Variants in TENM3 observed in about 807,000 individuals in gnomAD.
TENM3 encodes the protein teneurin transmembrane protein 3.
A neutral mutation model predicts 255.1 loss-of-function variants in TENM3; 63 were observed. That is an observed-to-expected ratio of 0.25 (90% CI 0.20 to 0.30). The LOEUF (loss-of-function observed/expected upper bound fraction) is 0.30. TENM3 is among the 10% of genes least tolerant of loss of function. TENM3 has a pLI of 1.00. For missense variants in TENM3, 2,929 were observed against 3,461.1 expected (o/e 0.85, Z 3.86); for synonymous variants, 1,306 against 1,322.3 (o/e 0.99, Z 0.27).
At chr4:182,472,299 A>C (rs1438983453) in intron 3 of TENM3, among the ~76,000 whole-genome samples, 1 of 152,038 alleles carries the variant, frequency 6.6e-6, no homozygotes, top group Non-Finnish European at 1.5e-5. Context: ...ATCTTTATTA[A>C]TCCCCTTCTT....
At chr4:182,668,483 G>A (rs550971630) in intron 6 of TENM3, among the ~76,000 whole-genome samples, 1 of 152,186 alleles carries the variant, frequency 6.6e-6, no homozygotes, top group South Asian at 2.1e-4. Context: ...ATTCTGTGGT[G>A]TTATGATTAA....
chr4:182,082,572 A>G, the TENM3 span, among the ~76,000 whole-genome samples: 2 of 152,238 alleles, frequency 1.3e-5, no homozygotes, highest in Non-Finnish European at 2.9e-5. Flanking sequence ...GAGCTGAGAA[A>G]GCATGGGAGA....
chr4:181,579,301 T>C, the TENM3 span, among the ~76,000 whole-genome samples: 1 of 151,414 alleles, frequency 6.6e-6, no homozygotes, highest in Non-Finnish European at 1.5e-5. Flanking sequence ...TCCTAACCAC[T>C]CCCCCCACAT....
chr4:182,696,319 C>G (rs548482132), intron 12 of TENM3, among the ~76,000 whole-genome samples: 26 of 152,244 alleles, frequency 1.7e-4, no homozygotes, highest in South Asian at 6.2e-4. Context: ...TCTCTATACT[C>G]TCTATAGAAA....
the TENM3 span, among the ~76,000 whole-genome samples, chr4:181,682,281 G>A: frequency 6.6e-6 from 1 of 152,142 alleles, no homozygotes; most frequent in Non-Finnish European, 1.5e-5. Flanking sequence ...TCTGTACTTT[G>A]AATTTCCCTT....
At chr4:182,312,355 C>T (rs1762498856) in intron 1 of TENM3, among the ~76,000 whole-genome samples, 1 of 152,038 alleles carries the variant, frequency 6.6e-6, no homozygotes, top group Admixed American at 6.6e-5. Flanking sequence ...GAGCGAGACC[C>T]TGTCTCAAAA....
the TENM3 span, among the ~76,000 whole-genome samples, chr4:181,652,781 A>G: frequency 5.3e-5 from 8 of 152,258 alleles, no homozygotes; most frequent in East Asian, 1.5e-3. Flanking sequence ...TCAAAAGTGA[A>G]CTCATTCCTT....
the TENM3 span, among the ~76,000 whole-genome samples, chr4:181,552,135 A>G: frequency 4.6e-5 from 7 of 152,128 alleles, no homozygotes; most frequent in African/African-American, 1.7e-4. Flanking sequence ...TCTTCCTGAC[A>G]TTGAGCAAAT....
the TENM3 span, among the ~76,000 whole-genome samples, chr4:181,816,670 A>G: frequency 6.6e-6 from 1 of 152,170 alleles, no homozygotes; most frequent in African/African-American, 2.4e-5. Context: ...TTCCTGTCTC[A>G]GTTGATAATG....
the TENM3 span, among the ~76,000 whole-genome samples, chr4:181,820,932 T>C: frequency 6.6e-6 from 1 of 152,362 alleles, no homozygotes; most frequent in Admixed American, 6.5e-5. Context: ...GGTGCTCAGA[T>C]GTAAGTGTCT....
At chr4:182,057,679 G>T in the TENM3 span, among the ~76,000 whole-genome samples, 3 of 152,006 alleles carry the variant, frequency 2.0e-5, no homozygotes, top group African/African-American at 7.3e-5. Context: ...GGAATTACAG[G>T]TGTGAGCTAT....
chr4:181,888,131 G>A, the TENM3 span, among the ~76,000 whole-genome samples: 1 of 151,966 alleles, frequency 6.6e-6, no homozygotes, highest in African/African-American at 2.4e-5. Flanking sequence ...CCAGGTTTAA[G>A]CGATTCTCAT....
the TENM3 span, among the ~76,000 whole-genome samples, chr4:181,919,470 T>C: frequency 6.6e-6 from 1 of 151,990 alleles, no homozygotes; most frequent in East Asian, 1.9e-4. Flanking sequence ...ATTCAGCTTT[T>C]TAAAGCCAAA....
At chr4:181,888,494 G>GTA in the TENM3 span, among the ~76,000 whole-genome samples, 726 of 28,096 alleles carry the variant, frequency 0.026, 23 homozygotes, top group East Asian at 0.067. Flanking sequence ...ATAGAAATGT[G>GTA]TATATATATA....
intron 3 of TENM3, among the ~76,000 whole-genome samples, chr4:182,519,213 C>T (rs1738309542): frequency 1.3e-5 from 2 of 152,146 alleles, no homozygotes; most frequent in South Asian, 2.1e-4. Flanking sequence ...GTATTGATTC[C>T]ATGCTAAAAT....
chr4:182,079,510 A>T, the TENM3 span: 1 of 152,160 alleles, frequency 6.6e-6, no homozygotes, highest in Non-Finnish European at 1.5e-5. Context: ...AGCAAGAGAA[A>T]AAAAAAAGAG....
the TENM3 span, among the ~76,000 whole-genome samples, chr4:182,115,740 T>G: frequency 6.6e-6 from 1 of 152,220 alleles, no homozygotes. Flanking sequence ...TTATGTTTTC[T>G]TCCTATTACT....
upstream of TENM3, among the ~76,000 whole-genome samples, chr4:182,241,794 A>G (rs2150068383): frequency 6.6e-6 from 1 of 152,084 alleles, no homozygotes; most frequent in African/African-American, 2.4e-5. Context: ...GGCATGAGCC[A>G]CTGGGCCCGG....
the TENM3 span, among the ~76,000 whole-genome samples, chr4:181,861,433 G>A: frequency 1.3e-5 from 2 of 152,048 alleles, no homozygotes; most frequent in African/African-American, 4.8e-5. Context: ...TTGTTTACTT[G>A]TCTTTGAAAA....
Sources: allele counts gnomAD v4.1 joint callset (sites outside exome capture counted in the v4.1 genomes callset), GRCh38; gene constraint gnomAD v4.1.1; transcripts MANE v1.5; gene names NCBI Gene and HGNC (gene_info 2026-07-23, HGNC 2026-07-21).